The following AHCYL2 variants were observed in gnomAD, a reference collection of about 807,000 sequenced individuals.
AHCYL2 encodes adenosylhomocysteinase like 2, also known as S-adenosylhomocysteine hydrolase-like protein 2.
A neutral mutation model predicts 81.4 loss-of-function variants in AHCYL2; 28 were observed. That is an observed-to-expected ratio of 0.34 (90% CI 0.25 to 0.47). AHCYL2 has a LOEUF of 0.47. Among genes scored for constraint, AHCYL2 ranks in the 20% least tolerant of loss-of-function variants. AHCYL2 has a pLI of 1.00. For synonymous variants in AHCYL2, 272 were observed against 290.2 expected, an observed-to-expected ratio of 0.94 and a Z score of 0.64; for missense variants, 551 against 785.1, an observed-to-expected ratio of 0.70 and a Z score of 3.56.
intron 1 of AHCYL2, among the ~76,000 whole-genome samples, chr7:129,286,602 A>G (rs1343734353): frequency 6.6e-6 from 1 of 152,164 alleles, no homozygotes; most frequent in East Asian, 1.9e-4. Context: ...CTGGGACCAC[A>G]GGCACATGCC....
At chr7:129,311,614 T>A (rs1304955659) in intron 1 of AHCYL2, among the ~76,000 whole-genome samples, 1 of 151,768 alleles carries the variant, frequency 6.6e-6, no homozygotes, top group Non-Finnish European at 1.5e-5. Context: ...AGTCCTATTG[T>A]CATTGTTGAC....
intron 1 of AHCYL2, among the ~76,000 whole-genome samples, chr7:129,321,968 G>A (rs945476433): frequency 6.6e-6 from 1 of 151,806 alleles, no homozygotes; most frequent in African/African-American, 2.4e-5. Context: ...TAGAGATGGG[G>A]TTTCGCCATG....
chr7:129,408,963 C>T (rs62479484), intron 10 of AHCYL2, among the ~76,000 whole-genome samples: 3 of 152,106 alleles, frequency 2.0e-5, no homozygotes, highest in Non-Finnish European at 2.9e-5. Context: ...ATAGTCCTGG[C>T]TACTCAGGAG....
intron 1 of AHCYL2, among the ~76,000 whole-genome samples, chr7:129,329,275 G>A (rs932826612): frequency 6.6e-6 from 1 of 152,152 alleles, no homozygotes; most frequent in Non-Finnish European, 1.5e-5. Flanking sequence ...CACCTCCTGG[G>A]CTCAAGCAAT....
In AHCYL2 at chr7:129,273,269, T is replaced by C. The variant is rs569133377; in HGVS notation, c.363+47830T>C. 2.7e-5 allele frequency among the ~76,000 whole-genome samples: 4 copies of C among 148,978 alleles called. No individual in the cohort carries two copies. In the South Asian group the frequency reaches 8.6e-4, roughly 32 times the overall value. On this transcript the variant is annotated intron_variant, in intron 1 of 16. Transcript: ENST00000325006. ...AATTCAAGATGCTACCAATAAAATATGGCCTCAAAGTAAAGATCTCAGTGA... is the reference window on the plus strand; with the variant it reads ...AATTCAAGATGCTACCAATAAAATACGGCCTCAAAGTAAAGATCTCAGTGA...
chr7:129,259,803 G>A (rs1171908255), intron 1 of AHCYL2, among the ~76,000 whole-genome samples: 2 of 152,164 alleles, frequency 1.3e-5, no homozygotes, highest in Admixed American at 6.5e-5. Flanking sequence ...TTGGCCAGGC[G>A]AGGTAGCTCA....
At chr7:129,304,004 T>G (rs1190527059) in intron 1 of AHCYL2, among the ~76,000 whole-genome samples, 2 of 152,166 alleles carry the variant, frequency 1.3e-5, no homozygotes, top group Non-Finnish European at 2.9e-5. Flanking sequence ...CAAGACTCAC[T>G]TGAACCTGGG....
intron 1 of AHCYL2, among the ~76,000 whole-genome samples, chr7:129,267,211 T>G (rs1174558055): frequency 2.2e-5 from 3 of 137,168 alleles, no homozygotes; most frequent in African/African-American, 2.7e-5. Flanking sequence ...ACCCTCCAAG[T>G]TATTGAGTTC....
chr7:129,367,048 G>T (rs1019772806), intron 1 of AHCYL2, among the ~76,000 whole-genome samples: 4 of 152,170 alleles, frequency 2.6e-5, no homozygotes, highest in Non-Finnish European at 5.9e-5. Flanking sequence ...TTGAGTTTTT[G>T]ATTGGCCTCT....
At chr7:129,395,219 C>T (rs1308028246) in intron 4 of AHCYL2, among the ~76,000 whole-genome samples, 1 of 152,250 alleles carries the variant, frequency 6.6e-6, no homozygotes, top group Non-Finnish European at 1.5e-5. Flanking sequence ...TCAGCTACTT[C>T]TGCACATGTG....
At chr7:129,307,300 A>G (rs895476926) in intron 1 of AHCYL2, among the ~76,000 whole-genome samples, 5 of 152,158 alleles carry the variant, frequency 3.3e-5, no homozygotes, top group African/African-American at 1.2e-4. Context: ...CATTGCAGCT[A>G]TGCTGGCAGT....
intron 1 of AHCYL2, among the ~76,000 whole-genome samples, chr7:129,273,321 C>T (rs75107622): frequency 6.6e-5 from 5 of 75,892 alleles, no homozygotes; most frequent in East Asian, 4.8e-4. Flanking sequence ...TTTGCTAAGA[C>T]TTTTTTTTTT....
intron 1 of AHCYL2, among the ~76,000 whole-genome samples, chr7:129,299,333 AACT>A (rs551902773): frequency 7.5e-4 from 102 of 135,210 alleles, no homozygotes; most frequent in African/African-American, 2.5e-3. Context: ...CTGTAGTTTC[AACT>A]ATTCAGGAGG....
intron 1 of AHCYL2, among the ~76,000 whole-genome samples, chr7:129,357,397 C>G (rs1374587922): frequency 6.6e-6 from 1 of 152,126 alleles, no homozygotes; most frequent in Middle Eastern, 3.2e-3. Flanking sequence ...ACTATTTTTG[C>G]AAGTTGTTTC....
At chr7:129,354,342 G>T (rs1793666785) in intron 1 of AHCYL2, among the ~76,000 whole-genome samples, 1 of 152,194 alleles carries the variant, frequency 6.6e-6, no homozygotes, top group South Asian at 2.1e-4. Context: ...TCCATTTAAT[G>T]ATTTTAGTTT....
chr7:129,328,190 TG>T (rs1241563313), intron 1 of AHCYL2, among the ~76,000 whole-genome samples: 1 of 152,164 alleles, frequency 6.6e-6, no homozygotes, highest in Admixed American at 6.5e-5. Context: ...TTTGTTTGTT[TG>T]TTTTGAGAGA....
At chr7:129,389,384 T>TAAA (rs11389356) in intron 3 of AHCYL2, among the ~76,000 whole-genome samples, 185 bp downstream of exon 3, 9 of 124,968 alleles carry the variant, frequency 7.2e-5, no homozygotes, top group South Asian at 2.7e-4. Flanking sequence ...AACCCTGTAT[T>TAAA]AAAAAAAAAA....
chr7:129,338,099 G>A (rs150635948), intron 1 of AHCYL2, among the ~76,000 whole-genome samples: 1 of 152,156 alleles, frequency 6.6e-6, no homozygotes, highest in East Asian at 1.9e-4. Flanking sequence ...TTCATACATG[G>A]GGAAGTATAT....
intron 1 of AHCYL2, among the ~76,000 whole-genome samples, chr7:129,302,691 T>C (rs936611351): frequency 1.3e-5 from 2 of 152,236 alleles, no homozygotes; most frequent in African/African-American, 4.8e-5. Flanking sequence ...GATCCATCCT[T>C]ATATCCTTGG....
Sources: allele counts gnomAD v4.1 joint callset (sites outside exome capture counted in the v4.1 genomes callset), GRCh38; gene constraint gnomAD v4.1.1; transcripts MANE v1.5; gene names NCBI Gene and HGNC (gene_info 2026-07-23, HGNC 2026-07-21).